FLNA: variants seen among roughly 807,000 people sequenced by gnomAD.
The protein encoded by FLNA is filamin A.
Under a neutral mutation model 157.6 loss-of-function variants are expected in FLNA, and 7 were observed. That is an observed-to-expected ratio of 0.04 (90% CI 0.03 to 0.08). FLNA has a LOEUF of 0.08. Ranked by LOEUF, FLNA falls within the 10% of genes least tolerant of loss-of-function variation. The pLI, the probability that FLNA is intolerant of heterozygous loss-of-function variation, is 1.00. For synonymous variants in FLNA, 1,103 were observed against 1,060.8 expected, an observed-to-expected ratio of 1.04 and a Z score of -0.77; for missense variants, 1,750 against 2,398.4, an observed-to-expected ratio of 0.73 and a Z score of 5.65.
rs368424270 is a variant in FLNA, at chrX:154,364,893, G to A, written c.1756C>T (p.Leu586=). The change falls in exon 12 of 48, where the codon CTG becomes TTG. Residue 586 remains leucine, a synonymous_variant. Transcript: ENST00000369850. Reference sequence around the variant, plus strand: ...GACTTGCCAACGACGCCGCCCTCCAGCCCAGGGCCCCAGGCCCGTACCTTC... The same window carrying A: ...GACTTGCCAACGACGCCGCCCTCCAACCCAGGGCCCCAGGCCCGTACCTTC... ...NQKVRAWGPG[L]EGGVVGKSAD... is the part of the protein sequence containing the mutation. 39 of 1,209,954 alleles carry A rather than the reference G, an allele frequency of 3.2e-5. No homozygotes were observed. The highest frequency in any genetic ancestry group is 3.8e-5 in the Non-Finnish European group (34 of 895,178).
In FLNA at chrX:154,367,497, A is replaced by G. The variant is rs782357419; in HGVS notation, c.768T>C (p.Ser256=). The G allele has an allele frequency of 8.8e-5, 107 of 1,209,994 alleles. No homozygotes were observed. The highest frequency in any genetic ancestry group is 1.1e-4 in the Non-Finnish European group (100 of 894,984). The change falls in exon 5 of 48, where the codon TCT becomes TCC. Residue 256 remains serine, a synonymous_variant. Coordinates refer to ENST00000369850, the MANE Select transcript of FLNA (RefSeq NM_001110556.2). ...EIVDPNVDEH[S]VMTYLSQFPK... ...GGAACTGGGACAGGTAGGTCATGAC[A>G]GAGTGCTCGTCCACGTTGGGGTCCA...
In FLNA at chrX:154,365,311, G is replaced by A. The variant is rs782399368; in HGVS notation, c.1567+38C>T. On this transcript the variant is annotated intron_variant, in intron 10 of 47. Transcript: ENST00000369850. Reference sequence around the variant, plus strand: ...CTGCCCAGCAGTGAACCCGGGGGCTGCCGCCACCCATCCTGGCCTGGCTCC... The same window carrying A: ...CTGCCCAGCAGTGAACCCGGGGGCTACCGCCACCCATCCTGGCCTGGCTCC... 19 of 1,210,749 alleles carry A rather than the reference G, an allele frequency of 1.6e-5. No homozygotes were observed. The African/African-American group carries it at 3.0e-4, about 19-fold the overall frequency.
intron 26 of FLNA, 84 bp from the exon 27 acceptor site, chrX:154,358,652 G>C: frequency 9.1e-7 from 1 of 1,099,956 alleles, no homozygotes; most frequent in South Asian, 1.8e-5. Flanking sequence ...CCAGGACCCA[G>C]CCCCAGGCCT....
At position 154,366,344 on chromosome X, in the gene FLNA, C is replaced by A. The variant is rs782633612; in HGVS notation, c.1192G>T (p.Ala398Ser). The change falls in exon 8 of 48, where the codon GCC (alanine) becomes TCC (serine). Residue 398 changes from alanine (A) to serine (S), a missense_variant. Ala to Ser is a moderately conservative substitution (Grantham distance 99). Transcript: ENST00000369850. ...ATCTCAAAGTAGGTGGTCTTGTTGG[C>A]GATGTTGCCACTGGGCTCCAGGCCG... ...GPGLEPSGNI[A>S]NKTTYFEIFT... The A allele has an allele frequency of 9.1e-6, 11 of 1,212,232 alleles. No individual in the cohort carries two copies. The highest frequency in any genetic ancestry group is 2.2e-5 in the Admixed American group (1 of 46,168).
At position 154,350,064 on chromosome X, in the gene FLNA, C is replaced by T; in HGVS notation, c.7300G>A (p.Ala2434Thr). Residue 2434 changes from alanine to threonine, a missense_variant, in exon 45 of 48, where the codon GCT (alanine) becomes ACT (threonine). Ala to Thr is a moderately conservative substitution (Grantham distance 58, BLOSUM62 0). Transcript: ENST00000369850. ...CCGCCTTCCAGACCTGCTCCGTAAG[C>T]AGACACCAAGCCTGGGTCCCCTCCA... is the stretch of plus-strand genomic sequence containing the variant. ...GHGGDPGLVS[A>T]YGAGLEGGVT... 8.3e-7 allele frequency: 1 copy of T among 1,211,988 alleles called. No individual in the cohort carries two copies. Among genetic ancestry groups the T allele is most frequent in the South Asian group, 1.8e-5 (1 of 57,035 alleles).
At chrX:154,368,609 G>A (rs1251336993) in intron 2 of FLNA, among the ~76,000 whole-genome samples, 6 of 112,179 alleles carry the variant, frequency 5.3e-5, no homozygotes, top group Non-Finnish European at 7.5e-5. Flanking sequence ...TTGTTCCAGG[G>A]TGGGTGGGGT....
chrX:154,371,750 T>G (rs934784012), intron 1 of FLNA, among the ~76,000 whole-genome samples: 1 of 112,873 alleles, frequency 8.9e-6, no homozygotes, highest in African/African-American at 3.2e-5. Context: ...CTAAGTCACT[T>G]GGGCTCTGCC....
chrX:154,360,405 C>T lies in FLNA; in HGVS notation c.3390G>A (p.Glu1130=), dbSNP rs782111224. Residue 1130 remains glutamate, a synonymous_variant, in exon 22 of 48, where the codon GAG becomes GAA. Transcript: ENST00000369850. ...GTCSVSYVPT[E]PGDYNINILF... ...GGATGTTGATGTTGTAGTCCCCGGG[C>T]TCGGTGGGCACGTAGGACACGGAAC... 2 of 1,210,638 alleles carry T rather than the reference C, an allele frequency of 1.7e-6. No individual in the cohort carries two copies. Among genetic ancestry groups the T allele is most frequent in the Non-Finnish European group, 2.2e-6 (2 of 895,402 alleles).
At chrX:154,366,528 A>G (rs781896801) in intron 7 of FLNA, 34 bp downstream of exon 7, 1 of 1,206,658 alleles carries the variant, frequency 8.3e-7, no homozygotes, top group East Asian at 3.0e-5. Context: ...CCACTGCCTG[A>G]GGTCACAAGC....
chrX:154,352,310 C>T lies in FLNA; in HGVS notation c.6640G>A (p.Val2214Met). The change falls in exon 41 of 48, where the codon GTG (valine) becomes ATG (methionine). Residue 2214 changes from valine (V) to methionine (M), a missense_variant. This residue lies in a region of FLNA where 970 missense variants were observed against 1,302.6 expected (regional missense o/e 0.74). Transcript: ENST00000369850. The part of the protein sequence containing the change: ...PAEMGTHTVS[V>M]KYKGQHVPGS... Reference sequence around the variant, plus strand: ...GGCACGTGCTGGCCCTTGTACTTCACGCTGACTGTGTGTGTGCCCATCTCA... The same window carrying T: ...GGCACGTGCTGGCCCTTGTACTTCATGCTGACTGTGTGTGTGCCCATCTCA... The T allele has an allele frequency of 8.3e-7, 1 of 1,211,521 alleles. No homozygotes were observed. Among genetic ancestry groups the T allele is most frequent in the South Asian group, 1.8e-5 (1 of 57,030 alleles).
rs1276120463 is a variant in FLNA, at chrX:154,362,502, G to A, written c.2481C>T (p.Ile827=). 17 of 1,211,527 alleles carry A rather than the reference G, an allele frequency of 1.4e-5. No individual in the cohort carries two copies. The highest frequency in any genetic ancestry group is 1.9e-5 in the Non-Finnish European group (17 of 895,290). Residue 827 remains isoleucine (I), a synonymous_variant, in exon 17 of 48, where the codon ATC becomes ATT. Coordinates refer to ENST00000369850, the MANE Select transcript of FLNA (RefSeq NM_001110556.2). ...PAEADIDFDI[I]RNDNDTFTVK... Reference sequence around the variant, plus strand: ...CCGTGAAGGTGTCATTGTCATTGCGGATGATGTCGAAGTCGATGTCAGCTT... The same window carrying A: ...CCGTGAAGGTGTCATTGTCATTGCGAATGATGTCGAAGTCGATGTCAGCTT...
intron 15 of FLNA, among the ~76,000 whole-genome samples, chrX:154,363,573 G>A (rs927779056): frequency 5.4e-5 from 6 of 110,125 alleles, no homozygotes; most frequent in African/African-American, 1.7e-4. Context: ...AATTAGCCGG[G>A]GGGGTGGCGG....
Position 154,357,286 on chromosome X carries a change from G to A in FLNA, c.4946-12C>T. 1.7e-6 allele frequency: 2 copies of A among 1,210,796 alleles called. No individual in the cohort carries two copies. The highest frequency in any genetic ancestry group is 2.2e-6 in the Non-Finnish European group (2 of 894,717). On this transcript the variant is annotated splice_polypyrimidine_tract_variant and intron_variant, in intron 29 of 47. Transcript: ENST00000369850. Reference sequence around the variant, plus strand: ...ACCTCCGATTGACACTGAGGTGAGAGGGCAGAGAGCAAGGAGAAAGGTCAG... The same window carrying A: ...ACCTCCGATTGACACTGAGGTGAGAAGGCAGAGAGCAAGGAGAAAGGTCAG...
intron 1 of FLNA, among the ~76,000 whole-genome samples, chrX:154,373,234 T>C (rs1477500153): frequency 8.9e-6 from 1 of 111,858 alleles, no homozygotes; most frequent in Admixed American, 9.4e-5. Flanking sequence ...ATTCCATCAA[T>C]AATTGACTCT....
At chrX:154,361,065 A>AG (rs2067704510) in intron 21 of FLNA, among the ~76,000 whole-genome samples, 1 of 89,175 alleles carries the variant, frequency 1.1e-5, no homozygotes, top group African/African-American at 4.8e-5. Flanking sequence ...AAAAAAAAAA[A>AG]AAAAAAAAAA....
intron 43 of FLNA, 117 bp from the exon 44 acceptor site, chrX:154,351,158 G>T: frequency 1.2e-6 from 1 of 824,781 alleles, no homozygotes; most frequent in Non-Finnish European, 1.8e-6. Context: ...CGTCCAACTT[G>T]GTTTAAAGAG....
chrX:154,359,131 G>T lies in FLNA; in HGVS notation c.4327C>A (p.His1443Asn), dbSNP rs863223617. Residue 1443 changes from histidine to asparagine, a missense_variant, in exon 26 of 48, where the codon CAT becomes AAT. Physicochemically the swap from His to Asn is moderately conservative, Grantham distance 68. Transcript: ENST00000369850. ...ACCTTGGACGCATCTGTCACATCAT[G>T]CACAGGGACCTTGAAAGGACTGCCT... is the stretch of plus-strand genomic sequence containing the variant. ...VPGSPFKVPV[H>N]DVTDASKVKC... 1 of 1,210,144 alleles carries T rather than the reference G, an allele frequency of 8.3e-7. No homozygotes were observed. Among genetic ancestry groups the T allele is most frequent in the Non-Finnish European group, 1.1e-6 (1 of 895,333 alleles).
rs1057520770 is a variant in FLNA at position 154,349,481 on chromosome X, T to C, written c.7637A>G (p.Gln2546Arg). The C allele has an allele frequency of 2.5e-6, 3 of 1,211,173 alleles. No homozygotes were observed. Among genetic ancestry groups the C allele is most frequent in the Non-Finnish European group, 3.4e-6 (3 of 895,257 alleles). ...AGGCCCAGGACCCGGGGCCCCATGCTGGGGGGCACAGGTGGCCTTGGTCAG... is the reference window on the plus strand; with the variant it reads ...AGGCCCAGGACCCGGGGCCCCATGCCGGGGGGCACAGGTGGCCTTGGTCAG... Reference protein sequence around the residue: ...DSLTKATCAPQHGAPGPGPAD... With the variant: ...DSLTKATCAPRHGAPGPGPAD... The change falls in exon 47 of 48, where the codon CAG becomes CGG. Residue 2546 changes from glutamine (Q) to arginine (R), a missense_variant. By Grantham distance (43) the Gln-to-Arg change is conservative. Transcript: ENST00000369850.
Position 154,366,039 on chromosome X carries a change from C to T in FLNA, c.1414G>A (p.Val472Ile). 1 of 1,205,072 alleles carries T rather than the reference C, an allele frequency of 8.3e-7. No homozygotes were observed. Among genetic ancestry groups the T allele is most frequent in the African/African-American group, 1.7e-5 (1 of 57,929 alleles). ...GVPIPRSPYT[V>I]TVGQACNPSA... ...CCGGGCCTACCTTGGCCAACAGTGA[C>T]AGTGTAGGGGCTGCGAGGGATGGGC... The change falls in exon 9 of 48, where the codon GTC becomes ATC. Residue 472 changes from valine to isoleucine, a missense_variant. By Grantham distance (29) the Val-to-Ile change is conservative. Coordinates refer to ENST00000369850, the MANE Select transcript of FLNA (RefSeq NM_001110556.2).
Sources: allele counts gnomAD v4.1 joint callset (sites outside exome capture counted in the v4.1 genomes callset), GRCh38; gene constraint gnomAD v4.1.1; regional missense constraint gnomAD v4.1.1; transcripts MANE v1.5; gene names NCBI Gene and HGNC (gene_info 2026-07-23, HGNC 2026-07-21).